RALGPS1: variants seen among roughly 807,000 people sequenced by gnomAD.
The protein encoded by RALGPS1 is ras-specific guanine nucleotide-releasing factor RalGPS1.
RALGPS1 carries 19 observed loss-of-function variants against 78.8 expected under a neutral mutation model. The observed-to-expected ratio is 0.24, with a 90% CI of 0.17 to 0.35. RALGPS1 has a LOEUF of 0.35. Ranked by LOEUF, RALGPS1 falls within the 10% of genes least tolerant of loss-of-function variation. RALGPS1 has a pLI of 1.00. For missense variants in RALGPS1, 454 were observed against 688.3 expected, an observed-to-expected ratio of 0.66 and a Z score of 3.81; for synonymous variants, 228 against 256.3, an observed-to-expected ratio of 0.89 and a Z score of 1.06.
rs537376100 is a variant in RALGPS1, at chr9:126,943,112, C to T, written c.-65-19113C>T. Among the ~76,000 whole-genome samples, 39 of 152,190 alleles carry T rather than the reference C, an allele frequency of 2.6e-4. No individual in the cohort carries two copies. The South Asian group carries it at 7.5e-3, about 29-fold the overall frequency. On this transcript the variant is annotated intron_variant, in intron 1 of 18. Coordinates refer to ENST00000259351, the MANE Select transcript of RALGPS1 (RefSeq NM_014636.3). ...TATAGTTCATTGATGTCATCCTTTT[C>T]TGTATTTTAATGCTGCAACAGATTT...
rs113969504 is a variant in RALGPS1, at chr9:127,212,167, C to G, written c.1284C>G (p.Ser428=). The change falls in exon 15 of 19, where the codon TCC becomes TCG. Residue 428 remains serine (S), a synonymous_variant. Coordinates refer to ENST00000259351, the MANE Select transcript of RALGPS1 (RefSeq NM_014636.3). The surrounding 1 kb of genome is among the most constrained non-coding windows in gnomAD (Gnocchi z 6.0). ...CGTGCATCTGTTCTCTGGGGAACTCCGCAGCTGTGCCCACCATGGAGGGGC... is the reference window on the plus strand; with the variant it reads ...CGTGCATCTGTTCTCTGGGGAACTCGGCAGCTGTGCCCACCATGGAGGGGC... ...TGPCICSLGN[S]AAVPTMEGPL... 6.2e-7 allele frequency: 1 copy of G among 1,613,834 alleles called. No homozygotes were observed. Among genetic ancestry groups the G allele is most frequent in the Non-Finnish European group, 8.5e-7 (1 of 1,179,922 alleles).
rs1174767861 is a variant in RALGPS1, at chr9:127,183,373, C to T, written c.910+8591C>T. ...GGGGACCCCTGCAGCCCCTTCCATG[C>T]CCCCCCGCAAAGTCTGGTGCCCACT... On this transcript the variant is annotated intron_variant, in intron 11 of 18. Transcript: ENST00000259351. The surrounding 1 kb of genome is among the most constrained non-coding windows in gnomAD (Gnocchi z 4.0). 2.0e-5 allele frequency among the ~76,000 whole-genome samples: 3 copies of T among 151,942 alleles called. No individual in the cohort carries two copies. Among genetic ancestry groups the T allele is most frequent in the Non-Finnish European group, 4.4e-5 (3 of 67,932 alleles).
At chr9:126,964,726 A>G (rs555134579) in intron 2 of RALGPS1, among the ~76,000 whole-genome samples, 5 of 152,270 alleles carry the variant, frequency 3.3e-5, no homozygotes, top group African/African-American at 9.6e-5. Flanking sequence ...GCCTATCGAA[A>G]TCTGCAGGTT....
intron 1 of RALGPS1, among the ~76,000 whole-genome samples, chr9:126,941,905 A>G (rs915757337): frequency 6.6e-6 from 1 of 152,176 alleles, no homozygotes; most frequent in African/African-American, 2.4e-5. Context: ...CCTGGAACAT[A>G]TACTCTCTGG....
At chr9:127,067,885 T>C (rs547822784) in intron 7 of RALGPS1, among the ~76,000 whole-genome samples, 45 of 152,222 alleles carry the variant, frequency 3.0e-4, no homozygotes, top group Non-Finnish European at 5.4e-4. Context: ...TGCCTAGACT[T>C]CTTTCCTTAA....
At chr9:127,182,333 CCTTCCTT>C (rs2060284836) in intron 11 of RALGPS1, among the ~76,000 whole-genome samples, 1 of 148,124 alleles carries the variant, frequency 6.8e-6, no homozygotes, top group African/African-American at 2.5e-5. Flanking sequence ...TTCCTTCCTG[CCTTCCTT>C]CCTTCCTTCC....
At chr9:127,197,501 G>A (rs1257755113) in intron 13 of RALGPS1, among the ~76,000 whole-genome samples, 1 of 131,690 alleles carries the variant, frequency 7.6e-6, no homozygotes, top group African/African-American at 2.8e-5. Context: ...CCAGAGCATG[G>A]GGGTGGGGGG....
At chr9:127,050,237 C>A in intron 6 of RALGPS1, 105 bp downstream of exon 6, 1 of 947,182 alleles carries the variant, frequency 1.1e-6, no homozygotes, top group Non-Finnish European at 1.7e-6. Flanking sequence ...TGCTGTGGGC[C>A]TGCCAGGCAC....
chr9:126,934,059 G>C (rs1223990800), intron 1 of RALGPS1, among the ~76,000 whole-genome samples: 3 of 152,152 alleles, frequency 2.0e-5, no homozygotes, highest in African/African-American at 7.2e-5. Context: ...TGTATCCAAA[G>C]CATGATGGGA....
chr9:127,101,475 C>T (rs555373721), intron 8 of RALGPS1, among the ~76,000 whole-genome samples: 41 of 152,314 alleles, frequency 2.7e-4, no homozygotes, highest in African/African-American at 8.7e-4. Context: ...TCCCTCCATC[C>T]TTCAATCCTC....
At chr9:127,209,988 A>C (rs997802076) in intron 14 of RALGPS1, among the ~76,000 whole-genome samples, 1 of 152,230 alleles carries the variant, frequency 6.6e-6, no homozygotes, top group Non-Finnish European at 1.5e-5. Context: ...CATCAAGTGG[A>C]TACGGGAAGT....
intron 13 of RALGPS1, 96 bp downstream of exon 13, chr9:127,196,727 C>T (rs117407189): frequency 0.018 from 25,105 of 1,395,900 alleles, 308 homozygotes; most frequent in Non-Finnish European, 0.021. Context: ...TGCCCAGTGG[C>T]GCTATCATTC....
chr9:126,986,546 C>T (rs2041820322), intron 4 of RALGPS1, among the ~76,000 whole-genome samples: 1 of 152,216 alleles, frequency 6.6e-6, no homozygotes, highest in African/African-American at 2.4e-5. Flanking sequence ...TACCAGAGCT[C>T]CTTACCACAT....
chr9:127,173,676 T>A (rs2059681609), intron 10 of RALGPS1, among the ~76,000 whole-genome samples: 1 of 152,196 alleles, frequency 6.6e-6, no homozygotes, highest in African/African-American at 2.4e-5. Context: ...TGTGCCTCTC[T>A]AAGGGCATCT....
intron 4 of RALGPS1, among the ~76,000 whole-genome samples, chr9:126,988,886 A>G (rs929573430): frequency 6.6e-6 from 1 of 152,110 alleles, no homozygotes; most frequent in African/African-American, 2.4e-5. Context: ...TAGAGGTAGG[A>G]GGAGGCCTAG....
intron 8 of RALGPS1, among the ~76,000 whole-genome samples, chr9:127,140,254 C>T (rs1041927721): frequency 6.6e-6 from 1 of 152,226 alleles, no homozygotes; most frequent in African/African-American, 2.4e-5. Flanking sequence ...GGCAGTGCAA[C>T]AGGTCAGTCT....
At chr9:127,044,605 G>T (rs1448603996) in intron 5 of RALGPS1, among the ~76,000 whole-genome samples, 3 of 152,076 alleles carry the variant, frequency 2.0e-5, no homozygotes, top group African/African-American at 7.2e-5. Context: ...TAAATTCAGG[G>T]TACCTGTGCA....
chr9:127,070,269 A>T (rs2050080013), intron 8 of RALGPS1, among the ~76,000 whole-genome samples: 1 of 152,232 alleles, frequency 6.6e-6, no homozygotes, highest in Non-Finnish European at 1.5e-5. Flanking sequence ...TTGCTAGCCC[A>T]TCGCTCACCT....
At chr9:127,087,525 A>T (rs2051904134) in intron 8 of RALGPS1, 1 of 152,378 alleles carries the variant, frequency 6.6e-6, no homozygotes, top group Admixed American at 6.6e-5. Flanking sequence ...CCAACATCTC[A>T]CACAGCCTGG....
Sources: allele counts gnomAD v4.1 joint callset (sites outside exome capture counted in the v4.1 genomes callset), GRCh38; gene constraint gnomAD v4.1.1; non-coding constraint Gnocchi (gnomAD v3.1); transcripts MANE v1.5; gene names NCBI Gene and HGNC (gene_info 2026-07-23, HGNC 2026-07-21).